The following CDHR2 variants were observed in gnomAD, a reference collection of about 807,000 sequenced individuals.
The protein encoded by CDHR2 is cadherin related family member 2.
CDHR2 carries 104 observed loss-of-function variants against 138.6 expected under a neutral mutation model. The observed-to-expected ratio is 0.75, with a 90% CI of 0.64 to 0.88. The LOEUF (loss-of-function observed/expected upper bound fraction) is 0.88. Ranked by LOEUF, CDHR2 falls within the 40% of genes least tolerant of loss-of-function variation. The probability of loss-of-function intolerance (pLI) is 0.00; values close to 1 mark genes in which losing one functional copy is unlikely to be tolerated. For missense variants in CDHR2, 1,624 were observed against 1,727.6 expected (o/e 0.94, Z 1.06); for synonymous variants, 755 against 742.8 (o/e 1.02, Z -0.27).
At chr5:176,580,178 A>G (rs1327246597) in intron 16 of CDHR2, among the ~76,000 whole-genome samples, 1 of 148,090 alleles carries the variant, frequency 6.8e-6, no homozygotes. Flanking sequence ...ACTCACACAC[A>G]CTCACACACG....
chr5:176,568,662 C>A lies in CDHR2; in HGVS notation c.125-16C>A. 1 of 1,613,386 alleles carries A rather than the reference C, an allele frequency of 6.2e-7. No individual in the cohort carries two copies. ...GGGTGGCTGTGGACCCTGGGTGGCCCCTGTCCCATCCCCAGGTGCCCAGGC... is the reference window on the plus strand; with the variant it reads ...GGGTGGCTGTGGACCCTGGGTGGCCACTGTCCCATCCCCAGGTGCCCAGGC... On this transcript the variant is annotated splice_polypyrimidine_tract_variant and intron_variant, in intron 3 of 31. Coordinates refer to ENST00000261944, the MANE Select transcript of CDHR2 (RefSeq NM_017675.6).
At chr5:176,587,120 A>T (rs924861048) in intron 21 of CDHR2, among the ~76,000 whole-genome samples, 1 of 152,248 alleles carries the variant, frequency 6.6e-6, no homozygotes, top group African/African-American at 2.4e-5. Flanking sequence ...CTCATAGCTA[A>T]TTGTAAATTA....
rs1363071920 is a variant in CDHR2 at position 176,553,113 on chromosome 5, A to AG, written c.-16+3704dup. Reference sequence around the variant, plus strand: ...GTGGCGTGTATGGGGAAGGGGCTGTAGGGGGAGGCGCCTCGGGGACTGGGT... The same window carrying AG: ...GTGGCGTGTATGGGGAAGGGGCTGTAGGGGGGAGGCGCCTCGGGGACTGGGT... On this transcript the variant is annotated intron_variant, in intron 1 of 31. Coordinates refer to ENST00000261944, the MANE Select transcript of CDHR2 (RefSeq NM_017675.6). This position sits in a 1 kb window ranked among gnomAD's most constrained non-coding sequence, Gnocchi z 4.3. 2.0e-5 allele frequency among the ~76,000 whole-genome samples: 3 copies of AG among 151,934 alleles called. No homozygotes were observed. Among genetic ancestry groups the AG allele is most frequent in the Non-Finnish European group, 4.4e-5 (3 of 67,972 alleles).
intron 31 of CDHR2, among the ~76,000 whole-genome samples, chr5:176,594,220 T>TAA (rs1381020455): frequency 1.5e-4 from 22 of 150,950 alleles, no homozygotes; most frequent in African/African-American, 5.1e-4. Context: ...GGGCAGGGGG[T>TAA]TGCTATATTT....
At position 176,576,301 on chromosome 5, in the gene CDHR2, T is replaced by A; in HGVS notation, c.1194+116T>A. 1 of 791,754 alleles carries A rather than the reference T, an allele frequency of 1.3e-6. No individual in the cohort carries two copies. The highest frequency in any genetic ancestry group is 2.7e-5 in the East Asian group (1 of 37,556). 49.0% of individuals were successfully genotyped at this position (791,754 alleles called of 1,614,324 possible). A position where few individuals can be genotyped will look rare whatever the true frequency, so the allele number is the denominator to read the frequency against. ...GCGGTGCTGGTGGTGCAGGGTGTGA[T>A]GGCGGAGAATGGGGGTGCTGGGTGC... On this transcript the variant is annotated intron_variant, in intron 12 of 31. Coordinates refer to ENST00000261944, the MANE Select transcript of CDHR2 (RefSeq NM_017675.6). The surrounding 1 kb of genome is among the most constrained non-coding windows in gnomAD (Gnocchi z 4.5).
intron 6 of CDHR2, among the ~76,000 whole-genome samples, chr5:176,572,847 A>G (rs751689195): frequency 2.6e-5 from 4 of 152,232 alleles, no homozygotes; most frequent in Non-Finnish European, 4.4e-5. Context: ...CTGGGGAGCA[A>G]GACAGACCTG....
chr5:176,556,008 C>T (rs1350343891), intron 1 of CDHR2, among the ~76,000 whole-genome samples: 1 of 152,158 alleles, frequency 6.6e-6, no homozygotes, highest in Admixed American at 6.5e-5. Flanking sequence ...ATGCTCTGGC[C>T]CTGCCAGATT....
intron 27 of CDHR2, 36 bp from the exon 28 acceptor site, chr5:176,590,527 G>C: frequency 6.2e-7 from 1 of 1,614,060 alleles, no homozygotes; most frequent in Non-Finnish European, 8.5e-7. Flanking sequence ...GGCTGCTGAA[G>C]ACGAGTGTGC....
chr5:176,556,521 C>T (rs866012240), intron 1 of CDHR2, among the ~76,000 whole-genome samples: 1 of 152,148 alleles, frequency 6.6e-6, no homozygotes, highest in East Asian at 1.9e-4. Flanking sequence ...AAAAATTAGC[C>T]GGGTGTGGTG....
chr5:176,582,257 C>T (rs1438824230), intron 17 of CDHR2, among the ~76,000 whole-genome samples: 1 of 152,112 alleles, frequency 6.6e-6, no homozygotes, highest in Admixed American at 6.5e-5. Flanking sequence ...CGAGCTCAAG[C>T]GATCCACCCG....
At chr5:176,563,316 C>G (rs931895082) in intron 1 of CDHR2, among the ~76,000 whole-genome samples, 1 of 152,124 alleles carries the variant, frequency 6.6e-6, no homozygotes, top group Admixed American at 6.5e-5. Flanking sequence ...CCACTGCACT[C>G]CAGCCTGGGT....
Position 176,589,393 on chromosome 5 carries a change from C to T in CDHR2, c.3072C>T (p.Asp1024=), listed in dbSNP as rs544217286. Residue 1024 remains aspartate (D), a synonymous_variant, in exon 23 of 32, where the codon GAC becomes GAT. Transcript: ENST00000261944. ...ACCAAGTGACAGTCCAGGCCAGGGA[C>T]AGACCTTCCTTGGGTCCTTTCCTGG... The part of the protein sequence containing the change: ...GTYQVTVQAR[D]RPSLGPFLEA... 3.8e-6 allele frequency: 6 copies of T among 1,573,074 alleles called. No homozygotes were observed. In the South Asian group the frequency reaches 7.2e-5, roughly 19 times the overall value.
At chr5:176,575,892 C>A in intron 11 of CDHR2, 53 bp downstream of exon 11, 1 of 1,561,322 alleles carries the variant, frequency 6.4e-7, no homozygotes, top group Non-Finnish European at 8.7e-7. Context: ...AACCTCTGGC[C>A]TTTGATCTCT....
upstream of CDHR2, among the ~76,000 whole-genome samples, chr5:176,547,903 C>A (rs1757620181): frequency 6.6e-6 from 1 of 152,188 alleles, no homozygotes; most frequent in Non-Finnish European, 1.5e-5. Flanking sequence ...ATAGCAACTG[C>A]CTGATATACA....
chr5:176,578,923 A>G (rs1758467413), intron 16 of CDHR2, among the ~76,000 whole-genome samples: 6 of 152,242 alleles, frequency 3.9e-5, no homozygotes, highest in Admixed American at 3.3e-4. Context: ...ATAAATAGTA[A>G]GATAAAAATA....
intron 17 of CDHR2, among the ~76,000 whole-genome samples, chr5:176,581,852 C>G (rs747697399): frequency 2.0e-5 from 3 of 152,298 alleles, no homozygotes; most frequent in East Asian, 3.9e-4. Context: ...CAGTGAATAT[C>G]AGCTCTAATT....
At chr5:176,586,254 G>A (rs1758663233) in intron 20 of CDHR2, among the ~76,000 whole-genome samples, 1 of 152,178 alleles carries the variant, frequency 6.6e-6, no homozygotes, top group South Asian at 2.1e-4. Context: ...GGAGCGCAAT[G>A]GTACGATCTC....
At position 176,584,754 on chromosome 5, in the gene CDHR2, C is replaced by G; in HGVS notation, c.2473C>G (p.His825Asp). ...GIRVAENGSQHGQVAVVVASD... is the reference protein window; with the variant it reads ...GIRVAENGSQDGQVAVVVASD... ...CCGTGTGGCTGAGAATGGCTCACAG[C>G]ACGGCCAGGTGGCTGTGGTGGTTGC... Residue 825 changes from histidine to aspartate, a missense_variant, in exon 19 of 32, where the codon CAC (histidine) becomes GAC (aspartate). His to Asp is a moderately conservative substitution (Grantham distance 81). Coordinates refer to ENST00000261944, the MANE Select transcript of CDHR2 (RefSeq NM_017675.6). 3 of 1,614,216 alleles carry G rather than the reference C, an allele frequency of 1.9e-6. No homozygotes were observed. Among genetic ancestry groups the G allele is most frequent in the Non-Finnish European group, 2.5e-6 (3 of 1,180,050 alleles).
chr5:176,591,372 G>T (rs1360362535), intron 29 of CDHR2, 32 bp from the exon 30 acceptor site: 1 of 1,611,396 alleles, frequency 6.2e-7, no homozygotes, highest in Non-Finnish European at 8.5e-7. Flanking sequence ...GGTGGCTGAG[G>T]GCCAGGCAAC....
Sources: gnomAD v4.1 joint callset for allele counts (sites outside exome capture counted in the v4.1 genomes callset) on GRCh38, gnomAD v4.1.1 for gene constraint, Gnocchi (gnomAD v3.1) non-coding constraint, MANE v1.5 for transcripts, NCBI Gene and HGNC (gene_info 2026-07-23, HGNC 2026-07-21) for gene names.